The following COL11A2 variants were observed in gnomAD, a reference collection of about 807,000 sequenced individuals.
The protein encoded by COL11A2 is collagen alpha-2(XI) chain.
A neutral mutation model predicts 273.4 loss-of-function variants in COL11A2; 116 were observed. The ratio of observed to expected loss-of-function variants is 0.42; its 90% CI spans 0.36 to 0.49. The LOEUF (loss-of-function observed/expected upper bound fraction) is 0.49, where lower values mean the gene tolerates loss of function less well. Ranked by LOEUF, COL11A2 falls within the 20% of genes least tolerant of loss-of-function variation. The probability of loss-of-function intolerance (pLI) is 0.00; values close to 1 mark genes in which losing one functional copy is unlikely to be tolerated. For missense variants in COL11A2, 1,866 were observed against 2,309.0 expected, an observed-to-expected ratio of 0.81 and a Z score of 3.93; for synonymous variants, 782 against 864.2, an observed-to-expected ratio of 0.90 and a Z score of 1.67.
Position 33,176,381 on chromosome 6 carries a change from A to G in COL11A2, c.2169+52T>C, listed in dbSNP as rs1050722507. ...GGAAGGACCAAGCTCCTAAGACCCCATATAGCTCCCCTGACCACAGCCCTT... is the reference window on the plus strand; with the variant it reads ...GGAAGGACCAAGCTCCTAAGACCCCGTATAGCTCCCCTGACCACAGCCCTT... On this transcript the variant is annotated intron_variant, in intron 27 of 65. Coordinates refer to ENST00000341947, the MANE Select transcript of COL11A2 (RefSeq NM_080680.3). This position sits in a 1 kb window ranked among gnomAD's most constrained non-coding sequence, Gnocchi z 4.9. 6.2e-7 allele frequency: 1 copy of G among 1,605,906 alleles called. No individual in the cohort carries two copies. Among genetic ancestry groups the G allele is most frequent in the Non-Finnish European group, 8.5e-7 (1 of 1,175,792 alleles).
At chr6:33,171,846 C>T (rs1258613041) in intron 41 of COL11A2, 26 bp from the exon 42 acceptor site, 1 of 1,610,688 alleles carries the variant, frequency 6.2e-7, no homozygotes, top group Non-Finnish European at 8.5e-7. Context: ...GTCAGACCCC[C>T]AGGAAGGAGA....
At chr6:33,181,199 T>C (rs1274340383) in intron 8 of COL11A2, 29 bp from the exon 9 acceptor site, 2 of 1,612,900 alleles carry the variant, frequency 1.2e-6, no homozygotes, top group Non-Finnish European at 1.7e-6. Context: ...TAGCCCCCAG[T>C]GGGGCCCGTG....
At chr6:33,180,098 C>A (rs1355124835) in intron 12 of COL11A2, among the ~76,000 whole-genome samples, 160 bp downstream of exon 12, 2 of 152,110 alleles carry the variant, frequency 1.3e-5, no homozygotes, top group African/African-American at 2.4e-5. Flanking sequence ...CTAATGAGGC[C>A]CCATCTCCCC....
intron 29 of COL11A2, 51 bp downstream of exon 29, chr6:33,175,965 T>A (rs779878255): frequency 1.2e-5 from 20 of 1,602,140 alleles, no homozygotes; most frequent in Non-Finnish European, 1.7e-5. Flanking sequence ...GTCTCCAGAG[T>A]GGAGGCTCAG....
intron 45 of COL11A2, 61 bp downstream of exon 45, chr6:33,171,053 G>A: frequency 6.3e-7 from 1 of 1,574,848 alleles, no homozygotes; most frequent in South Asian, 1.1e-5. Flanking sequence ...CAAGGGCAGA[G>A]GGGAGCTGAG....
upstream of COL11A2, chr6:33,192,592 G>A (rs1237071815): frequency 2.3e-6 from 1 of 427,720 alleles, no homozygotes; most frequent in African/African-American, 2.1e-5. Flanking sequence ...CCTGGGGAGG[G>A]AGGCGGGAAC....
chr6:33,172,584 C>CG lies in COL11A2; in HGVS notation c.2843dup (p.Pro950AlafsTer19). 6.2e-7 allele frequency: 1 copy of CG among 1,612,516 alleles called. No homozygotes were observed. Among genetic ancestry groups the CG allele is most frequent in the Non-Finnish European group, 8.5e-7 (1 of 1,179,894 alleles). On this transcript the variant is annotated frameshift_variant, in exon 39 of 66. Transcript: ENST00000341947. LOFTEE classifies it high-confidence loss of function. ...GTAGTCCCTGCTCTCCAGGGGGCCC[C>CG]GGGGGGCCTGGGTGACCTCTCTCCC...
chr6:33,163,142 G>A lies in COL11A2; in HGVS notation c.*536C>T, dbSNP rs886061312. ...ATATTCCAACTTTCACAGTGGGTGCGACAGGTGAGGTGGGAGGAAGGTGGG... is the reference window on the plus strand; with the variant it reads ...ATATTCCAACTTTCACAGTGGGTGCAACAGGTGAGGTGGGAGGAAGGTGGG... On this transcript the variant is annotated 3_prime_UTR_variant, in exon 66 of 66. Coordinates refer to ENST00000341947, the MANE Select transcript of COL11A2 (RefSeq NM_080680.3). The surrounding 1 kb of genome is among the most constrained non-coding windows in gnomAD (Gnocchi z 4.1). 5.2e-5 allele frequency: 8 copies of A among 152,886 alleles called. No individual in the cohort carries two copies. Among genetic ancestry groups the A allele is most frequent in the South Asian group, 1.9e-4 (1 of 5,132 alleles). The allele number at this position is 152,886 out of a possible 1,614,324, so 9.5% of individuals were successfully genotyped here.
rs2229784 is a variant in COL11A2 at position 33,168,533 on chromosome 6, G to A, written c.3946C>T (p.Pro1316Ser). 2.5e-6 allele frequency: 4 copies of A among 1,613,498 alleles called. No homozygotes were observed. Among genetic ancestry groups the A allele is most frequent in the Non-Finnish European group, 3.4e-6 (4 of 1,179,914 alleles). ...ACCTCACTTACTCGCTTTCCAAGTG[G>A]CCCTGGGGGTCCATTCTCCCCGGTG... ...GPTGENGPPG[P>S]LGKRGPAGSP... The change falls in exon 54 of 66, where the codon CCA (proline) becomes TCA (serine). Residue 1316 changes from proline (P) to serine (S), a missense_variant. Pro to Ser is a moderately conservative substitution (Grantham distance 74). Coordinates refer to ENST00000341947, the MANE Select transcript of COL11A2 (RefSeq NM_080680.3).
In COL11A2 at chr6:33,188,418, C is replaced by T; in HGVS notation, c.550G>A (p.Asp184Asn). ...PLPRSARPVL[D>N]THGVIIFGAR... ...CCAAAGATGATCACTCCATGGGTGT[C>T]CAATACTGGACGAGCACTTCGGGGG... Residue 184 changes from aspartate (D) to asparagine (N), a missense_variant, in exon 4 of 66, where the codon GAC becomes AAC. By Grantham distance (23) the Asp-to-Asn change is conservative. Coordinates refer to ENST00000341947, the MANE Select transcript of COL11A2 (RefSeq NM_080680.3). 6.2e-7 allele frequency: 1 copy of T among 1,613,040 alleles called. No individual in the cohort carries two copies. The highest frequency in any genetic ancestry group is 8.5e-7 in the Non-Finnish European group (1 of 1,180,016).
chr6:33,188,226 G>A, intron 4 of COL11A2, 136 bp downstream of exon 4: 2 of 1,101,052 alleles, frequency 1.8e-6, no homozygotes, highest in Non-Finnish European at 1.4e-6. Context: ...CCTGAAGATA[G>A]AAAATAGAAA....
rs768817988 is a variant in COL11A2, at chr6:33,188,541, A to G, written c.444-17T>C. 1.9e-6 allele frequency: 3 copies of G among 1,612,972 alleles called. No homozygotes were observed. Among genetic ancestry groups the G allele is most frequent in the East Asian group, 4.5e-5 (2 of 44,886 alleles). Reference sequence around the variant, plus strand: ...CGGTGCCACCTGGAAATGGTGGAAGAGGTTCAAGTGAACTCTTGGCTGACT... The same window carrying G: ...CGGTGCCACCTGGAAATGGTGGAAGGGGTTCAAGTGAACTCTTGGCTGACT... On this transcript the variant is annotated splice_polypyrimidine_tract_variant and intron_variant, in intron 3 of 65. Transcript: ENST00000341947.
Position 33,163,368 on chromosome 6 carries a change from C to A in COL11A2, c.*310G>T, listed in dbSNP as rs541820856. 3.2e-5 allele frequency: 16 copies of A among 496,412 alleles called. No homozygotes were observed. The highest frequency in any genetic ancestry group is 2.5e-4 in the African/African-American group (13 of 52,810). 30.8% of individuals were successfully genotyped at this position (496,412 alleles called of 1,614,324 possible). A position where few individuals can be genotyped will look rare whatever the true frequency, so the allele number is the denominator to read the frequency against. Reference sequence around the variant, plus strand: ...CAATTACTTTTAAATACAAAATACGCCATGTCCTTTCTCTTCTCTTCCATT... The same window carrying A: ...CAATTACTTTTAAATACAAAATACGACATGTCCTTTCTCTTCTCTTCCATT... On this transcript the variant is annotated 3_prime_UTR_variant, in exon 66 of 66. Coordinates refer to ENST00000341947, the MANE Select transcript of COL11A2 (RefSeq NM_080680.3). The surrounding 1 kb of genome is among the most constrained non-coding windows in gnomAD (Gnocchi z 4.1).
intron 4 of COL11A2, among the ~76,000 whole-genome samples, chr6:33,188,140 T>C (rs1772646776): frequency 6.6e-6 from 1 of 151,900 alleles, no homozygotes; most frequent in African/African-American, 2.4e-5. Flanking sequence ...TGATGAAGAC[T>C]GAAGGACAGA....
chr6:33,180,616 A>C, intron 11 of COL11A2, 52 bp downstream of exon 11: 685 of 1,487,980 alleles, frequency 4.6e-4, no homozygotes, highest in Non-Finnish European at 5.8e-4. Context: ...CCCCGCTTGG[A>C]TACCACTAGC....
chr6:33,170,321 C>T lies in COL11A2; in HGVS notation c.3582+5G>A, dbSNP rs1198541884. The T allele has an allele frequency of 6.2e-7, 1 of 1,613,436 alleles. No homozygotes were observed. Among genetic ancestry groups the T allele is most frequent in the Non-Finnish European group, 8.5e-7 (1 of 1,179,766 alleles). On this transcript the variant is annotated splice_donor_5th_base_variant and intron_variant, in intron 48 of 65. Coordinates refer to ENST00000341947, the MANE Select transcript of COL11A2 (RefSeq NM_080680.3). The surrounding 1 kb of genome is among the most constrained non-coding windows in gnomAD (Gnocchi z 4.3). ...TCTCAAGGGACAGGGGCTGAGATGA[C>T]TCACATCAGCGCCATTGGGTCCAGC...
At chr6:33,186,938 G>A in intron 4 of COL11A2, 120 bp from the exon 5 acceptor site, 1 of 1,356,394 alleles carries the variant, frequency 7.4e-7, no homozygotes, top group Non-Finnish European at 1.0e-6. Flanking sequence ...GAAGGTCACT[G>A]TCAGTCCTCC....
Position 33,179,477 on chromosome 6 carries a change from C to T in COL11A2, c.1457G>A (p.Arg486His), listed in dbSNP as rs148825215. Residue 486 changes from arginine to histidine, a missense_variant, in exon 14 of 66, where the codon CGT (arginine) becomes CAT (histidine). Physicochemically the swap from Arg to His is conservative, Grantham distance 29 (BLOSUM62 0). Transcript: ENST00000341947. The surrounding 1 kb of genome is among the most constrained non-coding windows in gnomAD (Gnocchi z 6.4). ...GTATCCCATGGGGCCAGGGGGTCCA[C>T]GGAGCGCCAGCTAGGGGAGCAGGGG... The part of the protein sequence containing the change: ...AILQQARLAL[R>H]GPPGPMGYTG... 23 of 1,563,956 alleles carry T rather than the reference C, an allele frequency of 1.5e-5. No individual in the cohort carries two copies. The highest frequency in any genetic ancestry group is 3.8e-5 in the Admixed American group (2 of 52,294).
Position 33,163,827 on chromosome 6 carries a change from G to C in COL11A2, c.5071-9C>G, listed in dbSNP as rs761306949. The C allele has an allele frequency of 1.9e-6, 3 of 1,612,892 alleles. No homozygotes were observed. In the Admixed American group the frequency reaches 5.0e-5, roughly 27 times the overall value. The stretch of plus-strand genomic sequence containing the variant: ...GTCCGGCCTTGCTGTGTCTTCAGGG[G>C]GAGACAAGGAAGAAAGTGTGAGCAG... On this transcript the variant is annotated splice_polypyrimidine_tract_variant and intron_variant, in intron 65 of 65. Coordinates refer to ENST00000341947, the MANE Select transcript of COL11A2 (RefSeq NM_080680.3). The surrounding 1 kb of genome is among the most constrained non-coding windows in gnomAD (Gnocchi z 4.1).
Sources: gnomAD v4.1 joint callset for allele counts (sites outside exome capture counted in the v4.1 genomes callset) on GRCh38, gnomAD v4.1.1 for gene constraint, Gnocchi (gnomAD v3.1) non-coding constraint, MANE v1.5 for transcripts, NCBI Gene and HGNC (gene_info 2026-07-23, HGNC 2026-07-21) for gene names.